Variants in ADGRL3 observed in about 807,000 individuals in gnomAD.
ADGRL3 encodes the protein calcium-independent alpha-latrotoxin receptor 3.
A neutral mutation model predicts 153.5 loss-of-function variants in ADGRL3; 62 were observed. The observed-to-expected ratio is 0.40, with a 90% CI of 0.33 to 0.50. The LOEUF (loss-of-function observed/expected upper bound fraction) is 0.50. Ranked by LOEUF, ADGRL3 falls within the 20% of genes least tolerant of loss-of-function variation. ADGRL3 has a pLI of 0.47. For missense variants in ADGRL3, 1,641 were observed against 1,859.4 expected, an observed-to-expected ratio of 0.88 and a Z score of 2.16; for synonymous variants, 710 against 672.5, an observed-to-expected ratio of 1.06 and a Z score of -0.86.
Position 61,838,698 on chromosome 4 carries a change from T to C in ADGRL3, c.1480+24809T>C, listed in dbSNP as rs1456805424. ...TCAAGTTTTATCATAAGAAAAATCA[T>C]AATTTCTCCGGTTGAAAGTAAAAAT... On this transcript the variant is annotated intron_variant, in intron 9 of 26. Transcript: ENST00000683033. Among the ~76,000 whole-genome samples the C allele has an allele frequency of 2.0e-5, 3 of 152,176 alleles. No individual in the cohort carries two copies. In the East Asian group the frequency reaches 5.8e-4, roughly 29 times the overall value.
chr4:61,580,968 C>A (rs2098922373), intron 4 of ADGRL3, among the ~76,000 whole-genome samples: 1 of 151,982 alleles, frequency 6.6e-6, no homozygotes, highest in South Asian at 2.1e-4. Context: ...GGAAGAGTAT[C>A]AAAGAACTGT....
chr4:61,623,508 G>C (rs554121075), intron 5 of ADGRL3, among the ~76,000 whole-genome samples: 19 of 151,968 alleles, frequency 1.3e-4, no homozygotes, highest in Non-Finnish European at 2.5e-4. Context: ...TGAATTTTAG[G>C]ATGCAATCCT....
chr4:61,399,810 AT>A (rs1253237722), intron 2 of ADGRL3, among the ~76,000 whole-genome samples: 1 of 151,642 alleles, frequency 6.6e-6, no homozygotes, highest in African/African-American at 2.4e-5. Flanking sequence ...TTTCTTTGGG[AT>A]TTTAGGAATG....
chr4:61,796,302 G>A (rs887552598), intron 8 of ADGRL3, among the ~76,000 whole-genome samples: 6 of 152,026 alleles, frequency 3.9e-5, no homozygotes, highest in Admixed American at 6.6e-5. Flanking sequence ...TTGAATCTTC[G>A]TCATAATTCC....
chr4:61,839,376 G>T (rs1486282727), intron 9 of ADGRL3, among the ~76,000 whole-genome samples: 2 of 151,266 alleles, frequency 1.3e-5, no homozygotes, highest in African/African-American at 4.9e-5. Context: ...TTAATTTTTT[G>T]TAGATACAGA....
intron 19 of ADGRL3, among the ~76,000 whole-genome samples, chr4:61,994,114 C>A (rs2099113443): frequency 6.6e-6 from 1 of 152,122 alleles, no homozygotes; most frequent in African/African-American, 2.4e-5. Context: ...ATGTATTTAA[C>A]TTAATAGAAG....
chr4:61,569,770 T>TA (rs1055357003), intron 4 of ADGRL3, among the ~76,000 whole-genome samples: 4 of 152,194 alleles, frequency 2.6e-5, no homozygotes, highest in African/African-American at 2.4e-5. Flanking sequence ...TCCTTTTTTT[T>TA]AAATTTTAAT....
chr4:61,732,020 C>T (rs367753506), intron 7 of ADGRL3, among the ~76,000 whole-genome samples: 1 of 152,088 alleles, frequency 6.6e-6, no homozygotes, highest in South Asian at 2.1e-4. Flanking sequence ...TTTTAAGTTC[C>T]AATACTACTG....
At chr4:61,619,516 TACACACAC>T (rs34015455) in intron 5 of ADGRL3, among the ~76,000 whole-genome samples, 85,183 of 149,426 alleles carry the variant, frequency 0.57, 27,581 homozygotes, top group Non-Finnish European at 0.77. Flanking sequence ...GAATGTGAGA[TACACACAC>T]ACACACACAC....
At position 61,497,368 on chromosome 4, in the gene ADGRL3, T is replaced by C; in HGVS notation, c.55+20T>C. On this transcript the variant is annotated intron_variant, in intron 3 of 26. Coordinates refer to ENST00000683033, the MANE Select transcript of ADGRL3 (RefSeq NM_001387552.1). ...TTCATGGTAAGATTTTTCAGATTTT[T>C]GTGTAATGCTTAATGTTGTCTCACT... 6.5e-7 allele frequency: 1 copy of C among 1,547,386 alleles called. No individual in the cohort carries two copies. The highest frequency in any genetic ancestry group is 8.9e-7 in the Non-Finnish European group (1 of 1,128,286).
chr4:61,492,381 C>A (rs335296), intron 2 of ADGRL3, among the ~76,000 whole-genome samples: 122,527 of 152,046 alleles, frequency 0.81, 49,995 homozygotes, highest in East Asian at 0.95. Context: ...AAGGTACAAT[C>A]ATATTCAGTA....
chr4:61,783,735 C>A (rs535464115), intron 8 of ADGRL3, among the ~76,000 whole-genome samples: 1 of 152,060 alleles, frequency 6.6e-6, no homozygotes, highest in East Asian at 1.9e-4. Flanking sequence ...TGCCAAATAA[C>A]AAAATTTCTT....
chr4:61,494,180 A>G (rs555358589), intron 2 of ADGRL3, among the ~76,000 whole-genome samples: 5 of 151,716 alleles, frequency 3.3e-5, no homozygotes, highest in East Asian at 3.9e-4. Context: ...TTTAGTATAC[A>G]TGTTTGAGAA....
rs920022035 is a variant in ADGRL3 at position 61,584,450 on chromosome 4, A to G, written c.260-2777A>G. On this transcript the variant is annotated intron_variant, in intron 4 of 26. Transcript: ENST00000683033. ...TCTGGTACTAAATCATATTTTTAACAGTGAAGACCCAGATTACAGCTATGT... is the reference window on the plus strand; with the variant it reads ...TCTGGTACTAAATCATATTTTTAACGGTGAAGACCCAGATTACAGCTATGT... Among the ~76,000 whole-genome samples the G allele has an allele frequency of 5.9e-5, 9 of 152,132 alleles. No individual in the cohort carries two copies. The South Asian group carries it at 1.7e-3, about 28-fold the overall frequency.
intron 8 of ADGRL3, among the ~76,000 whole-genome samples, chr4:61,771,403 A>C (rs563762496): frequency 6.6e-6 from 1 of 152,186 alleles, no homozygotes; most frequent in African/African-American, 2.4e-5. Context: ...AGTTCCTCTC[A>C]GGCTCTGAAG....
intron 5 of ADGRL3, among the ~76,000 whole-genome samples, chr4:61,596,330 C>G (rs540064938): frequency 1.3e-5 from 2 of 152,236 alleles, no homozygotes; most frequent in South Asian, 2.1e-4. Flanking sequence ...TAACTGAGTA[C>G]TGTATAATTT....
Position 61,510,775 on chromosome 4 carries a change from GT to G in ADGRL3, c.56-6533del, listed in dbSNP as rs1362610426. ...TTGATTCCACAGGAATTTTACAATA[GT>G]TTTTTTCTAATTTTGTAAAAACTGA... On this transcript the variant is annotated intron_variant, in intron 3 of 26. Coordinates refer to ENST00000683033, the MANE Select transcript of ADGRL3 (RefSeq NM_001387552.1). 3.3e-5 allele frequency among the ~76,000 whole-genome samples: 5 copies of G among 152,168 alleles called. No individual in the cohort carries two copies. In the South Asian group the frequency reaches 1.0e-3, roughly 32 times the overall value.
At chr4:61,333,371 G>A (rs1286156485) in intron 1 of ADGRL3, among the ~76,000 whole-genome samples, 6 of 152,042 alleles carry the variant, frequency 3.9e-5, no homozygotes, top group Non-Finnish European at 8.8e-5. Context: ...CTGTTTTTCA[G>A]TGTATGTATA....
At chr4:61,803,876 A>C (rs1226035061) in intron 8 of ADGRL3, among the ~76,000 whole-genome samples, 1 of 152,122 alleles carries the variant, frequency 6.6e-6, no homozygotes, top group South Asian at 2.1e-4. Context: ...AGTACCTCCA[A>C]ATTATGCTAA....
Sources: allele counts gnomAD v4.1 joint callset (sites outside exome capture counted in the v4.1 genomes callset), GRCh38; gene constraint gnomAD v4.1.1; transcripts MANE v1.5; gene names NCBI Gene and HGNC (gene_info 2026-07-23, HGNC 2026-07-21).